STK32A: variants seen among roughly 807,000 people sequenced by gnomAD.
STK32A encodes the protein serine/threonine kinase 32A.
In STK32A, 41 loss-of-function variants were observed where a neutral mutation model predicts 53.2. That is an observed-to-expected ratio of 0.77 (90% CI 0.60 to 1.00). The LOEUF (loss-of-function observed/expected upper bound fraction) is 1.00. STK32A is among the 50% of genes least tolerant of loss of function. STK32A has a pLI of 0.00. For synonymous variants in STK32A, 166 were observed against 162.8 expected, an observed-to-expected ratio of 1.02 and a Z score of -0.15; for missense variants, 458 against 485.8, an observed-to-expected ratio of 0.94 and a Z score of 0.54.
chr5:147,272,531 T>A (rs753534289), intron 2 of STK32A, among the ~76,000 whole-genome samples: 1 of 152,172 alleles, frequency 6.6e-6, no homozygotes, highest in Non-Finnish European at 1.5e-5. Flanking sequence ...ACAGAAAGGG[T>A]TTAACAATGT....
At chr5:147,279,435 C>T (rs1581031775) in intron 4 of STK32A, 37 bp downstream of exon 4, 1 of 1,538,780 alleles carries the variant, frequency 6.5e-7, no homozygotes, top group African/African-American at 1.4e-5. Flanking sequence ...TAGAGACACT[C>T]CTGTTATCGG....
intron 4 of STK32A, among the ~76,000 whole-genome samples, chr5:147,306,901 C>T (rs1003764578): frequency 2.0e-5 from 3 of 151,932 alleles, no homozygotes; most frequent in Admixed American, 1.3e-4. Context: ...GGCATATAGC[C>T]TACATGTAAT....
intron 6 of STK32A, among the ~76,000 whole-genome samples, chr5:147,348,499 G>A (rs963097111): frequency 1.1e-4 from 17 of 152,216 alleles, no homozygotes; most frequent in South Asian, 2.1e-4. Flanking sequence ...GTTCCCAGGT[G>A]ATGCTGATGC....
chr5:147,279,216 A>G, intron 3 of STK32A, 31 bp from the exon 4 acceptor site: 4 of 1,585,350 alleles, frequency 2.5e-6, no homozygotes, highest in Non-Finnish European at 3.4e-6. Flanking sequence ...TATCTCCCTA[A>G]TCACTCTCTC....
chr5:147,372,001 C>T (rs539664016), intron 9 of STK32A, among the ~76,000 whole-genome samples: 2 of 152,212 alleles, frequency 1.3e-5, no homozygotes, highest in South Asian at 4.2e-4. Flanking sequence ...TTGTGTGATC[C>T]TTGGTTACGT....
chr5:147,394,067 C>G, the STK32A span: 1 of 1,614,158 alleles, frequency 6.2e-7, no homozygotes, highest in Non-Finnish European at 8.5e-7. Flanking sequence ...GAACGGCCGC[C>G]TGGGGGCGCC....
chr5:147,260,867 A>G (rs563175319), intron 2 of STK32A, among the ~76,000 whole-genome samples: 2 of 152,344 alleles, frequency 1.3e-5, no homozygotes, highest in African/African-American at 2.4e-5. Flanking sequence ...CAACACTGCA[A>G]GCAGGTCGTT....
intron 6 of STK32A, among the ~76,000 whole-genome samples, chr5:147,349,866 C>T (rs1043383474): frequency 3.9e-5 from 6 of 152,042 alleles, no homozygotes; most frequent in Non-Finnish European, 7.3e-5. Context: ...AATCCCAACA[C>T]TTTCAGAGGC....
At chr5:147,277,746 A>G (rs1751832332) in intron 2 of STK32A, among the ~76,000 whole-genome samples, 1 of 152,096 alleles carries the variant, frequency 6.6e-6, no homozygotes, top group Non-Finnish European at 1.5e-5. Flanking sequence ...CCTATGTCAA[A>G]TTCTCTGTGA....
chr5:147,327,426 T>C (rs17106442), intron 5 of STK32A, among the ~76,000 whole-genome samples: 1,925 of 152,332 alleles, frequency 0.013, 26 homozygotes, highest in South Asian at 0.063. Flanking sequence ...TCAATGAAAG[T>C]ACAGTAGATC....
At chr5:147,361,240 C>A (rs540369216) in intron 7 of STK32A, among the ~76,000 whole-genome samples, 3 of 152,124 alleles carry the variant, frequency 2.0e-5, no homozygotes, top group Non-Finnish European at 4.4e-5. Context: ...CCCAATAGGA[C>A]CCAAATTTTA....
rs1412509746 is a variant in STK32A at position 147,323,993 on chromosome 5, A to C, written c.356A>C (p.Lys119Thr). Residue 119 changes from lysine to threonine, a missense_variant, in exon 5 of 13, where the codon AAG (lysine) becomes ACG (threonine). Physicochemically the swap from Lys to Thr is moderately conservative, Grantham distance 78 (BLOSUM62 -1). Coordinates refer to ENST00000397936, the MANE Select transcript of STK32A (RefSeq NM_001112724.2). ...RYHLQQNVHF[K>T]EETVKLFICE... ...CACCTGCAACAGAACGTCCACTTCAAGGAAGAAACAGTGAAGCTCTTCATC... is the reference window on the plus strand; with the variant it reads ...CACCTGCAACAGAACGTCCACTTCACGGAAGAAACAGTGAAGCTCTTCATC... The C allele has an allele frequency of 6.2e-7, 1 of 1,612,382 alleles. No individual in the cohort carries two copies. Among genetic ancestry groups the C allele is most frequent in the African/African-American group, 1.3e-5 (1 of 74,902 alleles).
chr5:147,342,381 G>C, intron 5 of STK32A: 1 of 152,728 alleles, frequency 6.5e-6, no homozygotes, highest in Non-Finnish European at 1.5e-5. Context: ...ATTTGACCCA[G>C]AAATGAAAAA....
chr5:147,371,400 C>T (rs1756998623), intron 9 of STK32A, among the ~76,000 whole-genome samples: 1 of 152,168 alleles, frequency 6.6e-6, no homozygotes, highest in East Asian at 1.9e-4. Flanking sequence ...CCCCCTTTGA[C>T]TACACATAAA....
At chr5:147,276,954 A>G (rs1755291664) in intron 2 of STK32A, among the ~76,000 whole-genome samples, 1 of 152,190 alleles carries the variant, frequency 6.6e-6, no homozygotes, top group African/African-American at 2.4e-5. Flanking sequence ...GCTGCCTCAC[A>G]TGACTAAGTG....
At chr5:147,323,327 C>T (rs1280535572) in intron 4 of STK32A, among the ~76,000 whole-genome samples, 1 of 152,202 alleles carries the variant, frequency 6.6e-6, no homozygotes, top group Non-Finnish European at 1.5e-5. Flanking sequence ...GAGAAGCTTT[C>T]CTTTACTTCC....
At chr5:147,249,501 G>T (rs1753889565) in intron 2 of STK32A, among the ~76,000 whole-genome samples, 1 of 152,072 alleles carries the variant, frequency 6.6e-6, no homozygotes, top group African/African-American at 2.4e-5. Flanking sequence ...TAGTTTTCTG[G>T]GGGGTGGGAG....
At chr5:147,299,769 T>C (rs547241437) in intron 4 of STK32A, among the ~76,000 whole-genome samples, 1 of 152,224 alleles carries the variant, frequency 6.6e-6, no homozygotes, top group African/African-American at 2.4e-5. Context: ...AGGCAGTTTC[T>C]AACTTGTTCG....
intron 2 of STK32A, among the ~76,000 whole-genome samples, chr5:147,266,581 C>G (rs1447561253): frequency 6.6e-6 from 1 of 152,096 alleles, no homozygotes; most frequent in Non-Finnish European, 1.5e-5. Flanking sequence ...TAATTATGCA[C>G]CTACTATGAT....
Sources: gnomAD v4.1 joint callset for allele counts (sites outside exome capture counted in the v4.1 genomes callset) on GRCh38, gnomAD v4.1.1 for gene constraint, MANE v1.5 for transcripts, NCBI Gene and HGNC (gene_info 2026-07-23, HGNC 2026-07-21) for gene names.